Variants in SNX29 observed in about 807,000 individuals in gnomAD.
SNX29 encodes the protein sorting nexin-29.
In SNX29, 78 loss-of-function variants were observed where a neutral mutation model predicts 102.1. The ratio of observed to expected loss-of-function variants is 0.76; its 90% confidence interval spans 0.64 to 0.92. SNX29 has a LOEUF of 0.92. Among genes scored for constraint, SNX29 ranks in the 40% least tolerant of loss-of-function variants. The probability of loss-of-function intolerance (pLI) is 0.00; values close to 1 mark genes in which losing one functional copy is unlikely to be tolerated. For missense variants in SNX29, 1,280 were observed against 1,061.7 expected (o/e 1.21, Z -2.86); for synonymous variants, 580 against 414.5 (o/e 1.40, Z -4.85).
At chr16:12,548,758 C>T (rs533671067) in intron 20 of SNX29, among the ~76,000 whole-genome samples, 1 of 152,176 alleles carries the variant, frequency 6.6e-6, no homozygotes, top group Non-Finnish European at 1.5e-5. Flanking sequence ...GTGCTGAGCT[C>T]ATCTCTCATC....
chr16:12,330,629 C>T (rs1323865820), intron 15 of SNX29, among the ~76,000 whole-genome samples: 1 of 152,218 alleles, frequency 6.6e-6, no homozygotes, highest in Non-Finnish European at 1.5e-5. Flanking sequence ...GAGGTGACAT[C>T]TTTGCAGGCA....
chr16:12,506,477 T>G (rs1287896587), intron 19 of SNX29, among the ~76,000 whole-genome samples: 4 of 151,956 alleles, frequency 2.6e-5, no homozygotes, highest in African/African-American at 9.7e-5. Flanking sequence ...CAGGCAAGAG[T>G]TAGAAGAAGA....
At chr16:12,525,421 C>G (rs1016630176) in intron 20 of SNX29, among the ~76,000 whole-genome samples, 3 of 152,146 alleles carry the variant, frequency 2.0e-5, no homozygotes, top group African/African-American at 7.2e-5. Flanking sequence ...GCCTGTAATC[C>G]CAGCACTCTG....
intron 19 of SNX29, among the ~76,000 whole-genome samples, chr16:12,507,897 G>A (rs1300277706): frequency 6.6e-6 from 1 of 152,152 alleles, no homozygotes; most frequent in African/African-American, 2.4e-5. Context: ...CACGGTCAAG[G>A]CCAAGTCAAG....
intron 14 of SNX29, among the ~76,000 whole-genome samples, chr16:12,251,329 C>T (rs2078414917): frequency 6.6e-6 from 1 of 152,178 alleles, no homozygotes; most frequent in African/African-American, 2.4e-5. Context: ...CCATTATGTT[C>T]ATTAATATTA....
At chr16:11,979,424 G>C (rs1204671003) in intron 1 of SNX29, among the ~76,000 whole-genome samples, 5 of 152,166 alleles carry the variant, frequency 3.3e-5, no homozygotes, top group Non-Finnish European at 7.4e-5. Context: ...CTGTGAAAAT[G>C]GAAGGGGAAG....
intron 18 of SNX29, among the ~76,000 whole-genome samples, chr16:12,419,805 G>A (rs552615058): frequency 1.3e-5 from 2 of 152,324 alleles, no homozygotes; most frequent in South Asian, 4.1e-4. Context: ...TGCCTGGGTA[G>A]GTGTGATACT....
Position 12,063,672 on chromosome 16 carries a change from C to T in SNX29, c.1243+2026C>T, listed in dbSNP as rs142679042. ...GGGATTATAGGCATGAGCCACCGTG[C>T]CCGGCCTTTTCTAGTCCGTCTTTGC... On this transcript the variant is annotated intron_variant, in intron 9 of 20. Coordinates refer to ENST00000566228, the MANE Select transcript of SNX29 (RefSeq NM_032167.5). Among the ~76,000 whole-genome samples, 119 of 152,212 alleles carry T rather than the reference C, an allele frequency of 7.8e-4. No individual in the cohort carries two copies. The East Asian group carries it at 0.015, about 19-fold the overall frequency.
At chr16:12,239,935 T>G (rs1250590641) in intron 14 of SNX29, among the ~76,000 whole-genome samples, 1 of 151,928 alleles carries the variant, frequency 6.6e-6, no homozygotes, top group African/African-American at 2.4e-5. Context: ...TAGCCACTAT[T>G]GAAGAGATTT....
intron 20 of SNX29, among the ~76,000 whole-genome samples, chr16:12,556,002 C>G (rs529338515): frequency 1.3e-5 from 2 of 152,166 alleles, no homozygotes; most frequent in African/African-American, 2.4e-5. Context: ...TTTTTGTTCA[C>G]TTGTCCTGTG....
At chr16:12,018,725 A>T (rs1596606486) in intron 3 of SNX29, among the ~76,000 whole-genome samples, 1 of 148,284 alleles carries the variant, frequency 6.7e-6, no homozygotes, top group East Asian at 1.9e-4. Context: ...GGGGTATATT[A>T]TCTTTTACAC....
intron 14 of SNX29, among the ~76,000 whole-genome samples, chr16:12,203,341 C>G (rs1217685566): frequency 6.6e-6 from 1 of 150,606 alleles, no homozygotes; most frequent in Non-Finnish European, 1.5e-5. Flanking sequence ...TAGTGTGGCC[C>G]TGCTGTCAGG....
At chr16:12,143,705 C>T (rs1480836145) in intron 13 of SNX29, among the ~76,000 whole-genome samples, 1 of 152,176 alleles carries the variant, frequency 6.6e-6, no homozygotes, top group Non-Finnish European at 1.5e-5. Context: ...GTAAATTATG[C>T]CTCCATTTCA....
intron 11 of SNX29, among the ~76,000 whole-genome samples, chr16:12,112,480 A>G (rs2053537769): frequency 6.6e-6 from 1 of 152,336 alleles, no homozygotes; most frequent in South Asian, 2.1e-4. Context: ...TGCTGCCATC[A>G]GGCAATGTAC....
chr16:12,035,134 A>C (rs1160535460), intron 4 of SNX29, among the ~76,000 whole-genome samples: 3 of 151,830 alleles, frequency 2.0e-5, no homozygotes, highest in Non-Finnish European at 2.9e-5. Context: ...ATGACTCTTC[A>C]GCTCATGATG....
intron 20 of SNX29, among the ~76,000 whole-genome samples, chr16:12,535,625 A>C (rs1350231707): frequency 6.6e-6 from 1 of 152,160 alleles, no homozygotes; most frequent in Non-Finnish European, 1.5e-5. Context: ...CAGTCACACC[A>C]ACATGAAGCA....
intron 20 of SNX29, among the ~76,000 whole-genome samples, chr16:12,541,906 TTTTCCACTGA>T (rs1329415189): frequency 6.6e-6 from 1 of 152,126 alleles, no homozygotes; most frequent in Non-Finnish European, 1.5e-5. Context: ...GCAACAGATG[TTTTCCACTGA>T]TTGCCCACGG....
At chr16:12,048,211 G>T (rs1179461292) in intron 6 of SNX29, among the ~76,000 whole-genome samples, 161 bp from the exon 7 acceptor site, 1 of 151,354 alleles carries the variant, frequency 6.6e-6, no homozygotes, top group Admixed American at 6.6e-5. Flanking sequence ...GCAGTGGCGC[G>T]ATTTTCGCTC....
chr16:11,998,477 ATTTAT>A (rs1331599733), intron 1 of SNX29, among the ~76,000 whole-genome samples: 3 of 152,118 alleles, frequency 2.0e-5, no homozygotes, highest in Non-Finnish European at 4.4e-5. Context: ...AAATAGGGTT[ATTTAT>A]TTTGTGAGAG....
Sources: allele counts gnomAD v4.1 joint callset (sites outside exome capture counted in the v4.1 genomes callset), GRCh38; gene constraint gnomAD v4.1.1; transcripts MANE v1.5; gene names NCBI Gene and HGNC (gene_info 2026-07-23, HGNC 2026-07-21).